The following CTSB variants were observed in gnomAD, a reference collection of about 807,000 sequenced individuals.
CTSB encodes the protein cathepsin B, also known as APP secretase.
Under a neutral mutation model 44.3 loss-of-function variants are expected in CTSB, and 57 were observed. That is an observed-to-expected ratio of 1.29 (90% CI 1.04 to 1.60). CTSB has a LOEUF of 1.60. Ranked by LOEUF, CTSB falls within the 40% of genes most tolerant of loss-of-function variation. CTSB has a pLI of 0.00. For missense variants in CTSB, 768 were observed against 443.0 expected (o/e 1.73, Z -6.59); for synonymous variants, 320 against 168.0 (o/e 1.91, Z -7.00).
intron 1 of CTSB, among the ~76,000 whole-genome samples, chr8:11,858,335 C>T (rs1815856618): frequency 6.6e-6 from 1 of 152,216 alleles, no homozygotes; most frequent in Non-Finnish European, 1.5e-5. Flanking sequence ...CACTCTGTTG[C>T]CCAGGCTGGA....
chr8:11,845,258 CA>C, intron 9 of CTSB, 36 bp from the exon 10 acceptor site: 1 of 1,487,134 alleles, frequency 6.7e-7, no homozygotes, highest in African/African-American at 1.4e-5. Flanking sequence ...TAAAGTGTGA[CA>C]AGGGTCAACC....
Position 11,848,242 on chromosome 8 carries a change from C to T in CTSB, c.447-90G>A, listed in dbSNP as rs750291698. ...TGCTACCCAAGTGCCCGAGGCCACTCGTGGACCCACCCCCAGCTGCAGCAA... is the reference window on the plus strand; with the variant it reads ...TGCTACCCAAGTGCCCGAGGCCACTTGTGGACCCACCCCCAGCTGCAGCAA... On this transcript the variant is annotated intron_variant, in intron 5 of 9. Transcript: ENST00000353047. 54 of 1,121,422 alleles carry T rather than the reference C, an allele frequency of 4.8e-5. 1 individual carries two copies. The highest frequency in any genetic ancestry group is 1.7e-4 in the South Asian group (14 of 80,022). The allele number at this position is 1,121,422 out of a possible 1,614,324, so 69.5% of individuals were successfully genotyped here.
chr8:11,866,691 C>G (rs1271415187), intron 1 of CTSB, among the ~76,000 whole-genome samples: 2 of 152,180 alleles, frequency 1.3e-5, no homozygotes, highest in East Asian at 1.9e-4. Flanking sequence ...GAAACCCCAT[C>G]TCTACTAAAA....
intron 3 of CTSB, 69 bp from the exon 4 acceptor site, chr8:11,851,049 A>G: frequency 8.7e-7 from 1 of 1,148,772 alleles, no homozygotes; most frequent in Non-Finnish European, 1.3e-6. Flanking sequence ...TGCAAAGGCC[A>G]CTTTGGCTGG....
chr8:11,860,895 C>T lies in CTSB; in HGVS notation c.-26+7106G>A, dbSNP rs376817360. Among the ~76,000 whole-genome samples, 174 of 152,324 alleles carry T rather than the reference C, an allele frequency of 1.1e-3. 1 individual carries two copies. The highest frequency in any genetic ancestry group is 4.1e-3 in the African/African-American group (170 of 41,572). ...TAAGTGCAACCACAAAACAAGACTT[C>T]GGCGAGTTTCATCTTCCCCTACTTC... On this transcript the variant is annotated intron_variant, in intron 1 of 9. Transcript: ENST00000353047.
At chr8:11,849,014 T>A in intron 5 of CTSB, 32 bp downstream of exon 5, 1 of 1,556,166 alleles carries the variant, frequency 6.4e-7, no homozygotes, top group Non-Finnish European at 8.9e-7. Flanking sequence ...CTCTCAGCAC[T>A]AAACCCGCTG....
At chr8:11,848,976 C>G in intron 5 of CTSB, 70 bp downstream of exon 5, 11 of 1,158,958 alleles carry the variant, frequency 9.5e-6, no homozygotes, top group Non-Finnish European at 1.4e-5. Context: ...CTCAAAGTCC[C>G]CTCCACTGAG....
In CTSB at chr8:11,842,567, A is replaced by G. The variant is rs889843796; in HGVS notation, c.*2558T>C. 2.0e-5 allele frequency: 3 copies of G among 152,158 alleles called. No homozygotes were observed. Among genetic ancestry groups the G allele is most frequent in the African/African-American group, 7.2e-5 (3 of 41,434 alleles). The allele number at this position is 152,158 out of a possible 1,614,324, so 9.4% of individuals were successfully genotyped here. A position where few individuals can be genotyped will look rare whatever the true frequency, so the allele number is the denominator to read the frequency against. ...TTTATTGAGGTTATGAATATATTCT[A>G]CTTGAAACTGGAAGGATAAGTGGTT... On this transcript the variant is annotated 3_prime_UTR_variant, in exon 10 of 10. Coordinates refer to ENST00000353047, the MANE Select transcript of CTSB (RefSeq NM_001908.5).
chr8:11,847,532 G>A (rs1563386740), intron 7 of CTSB, 147 bp downstream of exon 7: 6 of 868,204 alleles, frequency 6.9e-6, no homozygotes, highest in Non-Finnish European at 8.6e-6. Flanking sequence ...TGCTTCTCCT[G>A]GCAAGAGGGC....
intron 1 of CTSB, among the ~76,000 whole-genome samples, chr8:11,856,041 T>G (rs1026281431): frequency 1.3e-5 from 2 of 151,572 alleles, no homozygotes; most frequent in South Asian, 2.1e-4. Flanking sequence ...TAAAATAAAA[T>G]AAAGTAAAAT....
At position 11,859,294 on chromosome 8, in the gene CTSB, G is replaced by A. The variant is rs76881915; in HGVS notation, c.-25-5815C>T. Among the ~76,000 whole-genome samples the A allele has an allele frequency of 5.1e-3, 774 of 152,074 alleles. 2 individuals are homozygous for A. Among genetic ancestry groups the A allele is most frequent in the African/African-American group, 0.018 (746 of 41,476 alleles). On this transcript the variant is annotated intron_variant, in intron 1 of 9. Coordinates refer to ENST00000353047, the MANE Select transcript of CTSB (RefSeq NM_001908.5). ...TCAACCAGAGCACCTTCCTCCCCCG[G>A]CAAACGGCACCCTAGACTACCTTGA... is the stretch of plus-strand genomic sequence containing the variant.
At chr8:11,853,038 G>A (rs1254703819) in intron 2 of CTSB, among the ~76,000 whole-genome samples, 1 of 152,102 alleles carries the variant, frequency 6.6e-6, no homozygotes, top group Non-Finnish European at 1.5e-5. Context: ...GCGTCACAGG[G>A]GCTAGCTGGT....
At chr8:11,865,560 C>G (rs1366595386) in intron 1 of CTSB, 2 of 150,848 alleles carry the variant, frequency 1.3e-5, no homozygotes, top group African/African-American at 4.9e-5. Flanking sequence ...TGCACTCCAG[C>G]CTGGGTGAGA....
intron 1 of CTSB, among the ~76,000 whole-genome samples, chr8:11,859,705 T>A (rs964626214): frequency 7.3e-6 from 1 of 136,594 alleles, no homozygotes; most frequent in African/African-American, 2.8e-5. Flanking sequence ...GAAGCGGAGG[T>A]TGCAGTAAGC....
At chr8:11,853,754 T>C in intron 1 of CTSB, 1 of 328,790 alleles carries the variant, frequency 3.0e-6, no homozygotes, top group Non-Finnish European at 5.6e-6. Context: ...CCTTCGCTGC[T>C]ATTTTTAAAC....
chr8:11,862,691 C>A (rs1268056063), intron 1 of CTSB, among the ~76,000 whole-genome samples: 1 of 152,228 alleles, frequency 6.6e-6, no homozygotes, highest in East Asian at 1.9e-4. Flanking sequence ...GTGGCTGGCA[C>A]CGCCCTCCTG....
intron 1 of CTSB, 186 bp from the exon 2 acceptor site, chr8:11,853,665 G>A (rs368056437): frequency 8.1e-5 from 45 of 554,144 alleles, no homozygotes; most frequent in Middle Eastern, 4.9e-4. Context: ...CCATGACCTC[G>A]TGTGGGTCCC....
intron 1 of CTSB, among the ~76,000 whole-genome samples, chr8:11,864,719 G>A (rs1329185754): frequency 6.6e-6 from 1 of 152,058 alleles, no homozygotes; most frequent in Non-Finnish European, 1.5e-5. Context: ...CACTTTGGGA[G>A]GCGAGGCGGG....
chr8:11,846,373 CAG>C (rs1426677317), intron 8 of CTSB: 2 of 152,328 alleles, frequency 1.3e-5, no homozygotes, highest in Admixed American at 1.3e-4. Flanking sequence ...GCCATCTTCA[CAG>C]AAACTTTTTC....
Sources: gnomAD v4.1 joint callset for allele counts (sites outside exome capture counted in the v4.1 genomes callset) on GRCh38, gnomAD v4.1.1 for gene constraint, MANE v1.5 for transcripts, NCBI Gene and HGNC (gene_info 2026-07-23, HGNC 2026-07-21) for gene names.